Variants in DPP3 observed in about 807,000 individuals in gnomAD.
The protein encoded by DPP3 is DPP III.
In DPP3, 64 loss-of-function variants were observed where a neutral mutation model predicts 89.8. That is an observed-to-expected ratio of 0.71 (90% CI 0.58 to 0.88). DPP3 has a LOEUF of 0.88. Among genes scored for constraint, DPP3 ranks in the 40% least tolerant of loss-of-function variants. DPP3 has a pLI of 0.00. For synonymous variants in DPP3, 377 were observed against 404.3 expected, an observed-to-expected ratio of 0.93 and a Z score of 0.81; for missense variants, 835 against 972.5, an observed-to-expected ratio of 0.86 and a Z score of 1.88.
At chr11:66,489,496 C>T (rs756812354) in intron 6 of DPP3, among the ~76,000 whole-genome samples, 6 of 152,184 alleles carry the variant, frequency 3.9e-5, no homozygotes, top group Non-Finnish European at 8.8e-5. Flanking sequence ...GAGTGGATCT[C>T]ACTGGAACAT....
At chr11:66,485,328 G>A (rs1037115504) in intron 3 of DPP3, 66 bp downstream of exon 3, 14 of 1,490,470 alleles carry the variant, frequency 9.4e-6, no homozygotes, top group Admixed American at 9.1e-5. Flanking sequence ...GGAAAATGCA[G>A]TAGAAGGAGC....
At position 66,492,032 on chromosome 11, in the gene DPP3, C is replaced by G. The variant is rs534835765; in HGVS notation, c.988+276C>G. On this transcript the variant is annotated intron_variant, in intron 9 of 17. Transcript: ENST00000531863. ...ACAGTTGGGGGGTGGCCCAGGAACCCTGGCTCTGAGCTATTTTGCTGTGCT... is the reference window on the plus strand; with the variant it reads ...ACAGTTGGGGGGTGGCCCAGGAACCGTGGCTCTGAGCTATTTTGCTGTGCT... Among the ~76,000 whole-genome samples, 3 of 152,308 alleles carry G rather than the reference C, an allele frequency of 2.0e-5. No individual in the cohort carries two copies. The East Asian group carries it at 5.8e-4, about 29-fold the overall frequency.
chr11:66,491,503 G>C lies in DPP3; in HGVS notation c.808G>C (p.Ala270Pro). 6 of 1,608,892 alleles carry C rather than the reference G, an allele frequency of 3.7e-6. No individual in the cohort carries two copies. Among genetic ancestry groups the C allele is most frequent in the Non-Finnish European group, 5.1e-6 (6 of 1,176,726 alleles). ...CCCCCGCTCACCTCAGGCCTATGCA[G>C]CCAACAGCCACCAGGGGCAGATGCT... is the stretch of plus-strand genomic sequence containing the variant. ...EQLEKAKAYA[A>P]NSHQGQMLAQ... Residue 270 changes from alanine (A) to proline (P), a missense_variant, in exon 8 of 18, where the codon GCC becomes CCC. Physicochemically the swap from Ala to Pro is conservative, Grantham distance 27. Coordinates refer to ENST00000531863, the MANE Select transcript of DPP3 (RefSeq NM_130443.4).
At chr11:66,493,447 T>G in intron 11 of DPP3, 94 bp from the exon 12 acceptor site, 2 of 1,316,836 alleles carry the variant, frequency 1.5e-6, no homozygotes, top group Non-Finnish European at 2.1e-6. Flanking sequence ...GCACATGCAC[T>G]GAGATGGGTC....
chr11:66,491,506 A>C lies in DPP3; in HGVS notation c.811A>C (p.Asn271His). ...CCGCTCACCTCAGGCCTATGCAGCC[A>C]ACAGCCACCAGGGGCAGATGCTGGC... ...QLEKAKAYAA[N>H]SHQGQMLAQY... Residue 271 changes from asparagine (N) to histidine (H), a missense_variant, in exon 8 of 18, where the codon AAC becomes CAC. Physicochemically the swap from Asn to His is moderately conservative, Grantham distance 68. Coordinates refer to ENST00000531863, the MANE Select transcript of DPP3 (RefSeq NM_130443.4). 1 of 1,609,620 alleles carries C rather than the reference A, an allele frequency of 6.2e-7. No individual in the cohort carries two copies. The highest frequency in any genetic ancestry group is 8.5e-7 in the Non-Finnish European group (1 of 1,177,230).
chr11:66,484,645 C>G (rs60084694), intron 2 of DPP3, among the ~76,000 whole-genome samples: 1 of 152,034 alleles, frequency 6.6e-6, no homozygotes, highest in Non-Finnish European at 1.5e-5. Context: ...ACCCCTGGAG[C>G]TGGGGGAAGG....
Sources: gnomAD v4.1 joint callset for allele counts (sites outside exome capture counted in the v4.1 genomes callset) on GRCh38, gnomAD v4.1.1 for gene constraint, MANE v1.5 for transcripts, NCBI Gene and HGNC (gene_info 2026-07-23, HGNC 2026-07-21) for gene names.